Variants in HEATR9 observed in about 807,000 individuals in gnomAD.
HEATR9 encodes HEAT repeat containing 9.
HEATR9 carries 54 observed loss-of-function variants against 68.2 expected under a neutral mutation model. The ratio of observed to expected loss-of-function variants is 0.79; its 90% CI spans 0.64 to 0.99. The LOEUF (loss-of-function observed/expected upper bound fraction) is 0.99. Ranked by LOEUF, HEATR9 falls within the 50% of genes least tolerant of loss-of-function variation. HEATR9 has a pLI of 0.00. For synonymous variants in HEATR9, 241 were observed against 253.5 expected, an observed-to-expected ratio of 0.95 and a Z score of 0.47; for missense variants, 662 against 679.7, an observed-to-expected ratio of 0.97 and a Z score of 0.29.
chr17:35,863,395 A>G (rs2088071549), intron 7 of HEATR9, 107 bp downstream of exon 7: 4 of 1,267,540 alleles, frequency 3.2e-6, no homozygotes, highest in Non-Finnish European at 4.6e-6. Flanking sequence ...AGGCCTTGCC[A>G]AATGGTAGGT....
intron 8 of HEATR9, chr17:35,861,122 T>G: frequency 8.2e-7 from 1 of 1,213,810 alleles, no homozygotes. Context: ...TGTTGTACCA[T>G]TTTCTCTTCC....
intron 8 of HEATR9, chr17:35,861,499 C>T (rs1347610606): frequency 1.5e-5 from 17 of 1,167,700 alleles, no homozygotes; most frequent in African/African-American, 7.5e-5. Context: ...GCAGTCGTTG[C>T]GGACAAACAT....
intron 1 of HEATR9, among the ~76,000 whole-genome samples, chr17:35,867,199 G>A (rs1436499424): frequency 6.6e-6 from 1 of 152,150 alleles, no homozygotes; most frequent in Non-Finnish European, 1.5e-5. Flanking sequence ...GGCGGAGCCT[G>A]CTGAGATCGC....
At chr17:35,856,899 C>G in intron 11 of HEATR9, 94 bp from the exon 12 acceptor site, 1 of 1,165,590 alleles carries the variant, frequency 8.6e-7, no homozygotes, top group Non-Finnish European at 1.2e-6. Flanking sequence ...TTCCTTTGTG[C>G]TATGTAGAGT....
At chr17:35,861,698 T>G (rs2087998007) in intron 8 of HEATR9, 2 of 521,514 alleles carry the variant, frequency 3.8e-6, no homozygotes, top group Admixed American at 6.5e-5. Flanking sequence ...TCTTTATGTC[T>G]TTGCTCAAAT....
intron 8 of HEATR9, chr17:35,861,454 C>A: frequency 6.3e-7 from 1 of 1,578,000 alleles, no homozygotes; most frequent in Non-Finnish European, 8.7e-7. Flanking sequence ...TTTAAAGTTT[C>A]TATGACACTT....
chr17:35,862,618 C>T (rs1473648607), intron 8 of HEATR9, among the ~76,000 whole-genome samples: 2 of 152,184 alleles, frequency 1.3e-5, no homozygotes, highest in South Asian at 2.1e-4. Context: ...TTTACAATGA[C>T]GTCCCATGGA....
At chr17:35,861,979 C>A (rs1190486088) in intron 8 of HEATR9, among the ~76,000 whole-genome samples, 1 of 151,878 alleles carries the variant, frequency 6.6e-6, no homozygotes, top group African/African-American at 2.4e-5. Flanking sequence ...CCTCAGCCTC[C>A]CAAGTAGCTG....
At position 35,858,872 on chromosome 17, in the gene HEATR9, C is replaced by T. The variant is rs1412948165; in HGVS notation, c.939+16G>A. 1 of 1,611,216 alleles carries T rather than the reference C, an allele frequency of 6.2e-7. No homozygotes were observed. The highest frequency in any genetic ancestry group is 1.1e-5 in the South Asian group (1 of 90,874). On this transcript the variant is annotated intron_variant, in intron 9 of 14. Transcript: ENST00000604834. ...CTTCTGTTTCCCCAGGGATCCCAGC[C>T]TCCTGCCCCTCACACCTTCATCCGC...
intron 9 of HEATR9, 122 bp from the exon 10 acceptor site, chr17:35,858,647 C>A: frequency 2.2e-6 from 2 of 919,308 alleles, no homozygotes; most frequent in South Asian, 1.6e-5. Flanking sequence ...TCTGCCTCTT[C>A]GCCTCTTGAC....
intron 12 of HEATR9, 58 bp downstream of exon 12, chr17:35,856,674 C>A: frequency 6.8e-7 from 1 of 1,460,770 alleles, no homozygotes; most frequent in Non-Finnish European, 9.4e-7. Flanking sequence ...CTCTCACTGA[C>A]CCTCTGCCCC....
At position 35,856,798 on chromosome 17, in the gene HEATR9, CTCACAGCCTGCA is replaced by C. The variant is rs752860765; in HGVS notation, c.1153-5_1159del. 4.4e-6 allele frequency: 7 copies of C among 1,603,408 alleles called. No individual in the cohort carries two copies. Among genetic ancestry groups the C allele is most frequent in the South Asian group, 3.4e-5 (3 of 88,778 alleles). ...TTCCACAGTTTGAGCCACAGCCTGC[CTCACAGCCTGCA>C]GAGGGATCAAAATGAGTCAACAGAG... is the stretch of plus-strand genomic sequence containing the variant. On this transcript the variant is annotated splice_acceptor_variant and splice_polypyrimidine_tract_variant and coding_sequence_variant and intron_variant, in exon 12 of 15. Transcript: ENST00000604834. LOFTEE classifies it high-confidence loss of function.
intron 8 of HEATR9, among the ~76,000 whole-genome samples, 171 bp from the exon 9 acceptor site, chr17:35,859,241 T>C (rs989397628): frequency 6.6e-6 from 1 of 152,166 alleles, no homozygotes; most frequent in African/African-American, 2.4e-5. Flanking sequence ...AGATCTCATT[T>C]CTCTATAACT....
chr17:35,857,898 G>C (rs142745735), intron 11 of HEATR9, among the ~76,000 whole-genome samples: 1 of 152,176 alleles, frequency 6.6e-6, no homozygotes, highest in African/African-American at 2.4e-5. Flanking sequence ...CGTTGGGATC[G>C]GTCTTGAAGG....
In HEATR9 at chr17:35,864,781, G is replaced by C. The variant is rs773926237; in HGVS notation, c.430C>G (p.Pro144Ala). The change falls in exon 4 of 15, where the codon CCC becomes GCC. Residue 144 changes from proline (P) to alanine (A), a missense_variant. Pro to Ala is a conservative substitution (Grantham distance 27, BLOSUM62 -1). Coordinates refer to ENST00000604834, the MANE Select transcript of HEATR9 (RefSeq NM_152781.4). ...ACCCTTAATCTTTGCCACTTCAGGG[G>C]GTCCTGGGTAGGCTCTAAGGGCCTG... ...RSRPLEPTQD[P>A]LKWQRLRELT... is the part of the protein sequence containing the mutation. 9 of 1,614,146 alleles carry C rather than the reference G, an allele frequency of 5.6e-6. No homozygotes were observed. Among genetic ancestry groups the C allele is most frequent in the Non-Finnish European group, 5.9e-6 (7 of 1,180,042 alleles).
At position 35,855,236 on chromosome 17, in the gene HEATR9, C is replaced by A; in HGVS notation, c.1540G>T (p.Ala514Ser). 1 of 1,614,184 alleles carries A rather than the reference C, an allele frequency of 6.2e-7. No individual in the cohort carries two copies. Among genetic ancestry groups the A allele is most frequent in the Non-Finnish European group, 8.5e-7 (1 of 1,180,028 alleles). Residue 514 changes from alanine to serine, a missense_variant, in exon 15 of 15, where the codon GCA becomes TCA. Physicochemically the swap from Ala to Ser is moderately conservative, Grantham distance 99 (BLOSUM62 1). Transcript: ENST00000604834. ...GCAATAAACAAGGGGTTCAGCTTTG[C>A]AAGTCGAAAGTCTTGAATAGTTAAC... ...EELTIQDFRL[A>S]KLNPLFIAKS...
At chr17:35,862,574 A>G (rs181434994) in intron 8 of HEATR9, among the ~76,000 whole-genome samples, 22 of 152,346 alleles carry the variant, frequency 1.4e-4, no homozygotes, top group Middle Eastern at 3.4e-3. Flanking sequence ...AGTCCTCTCA[A>G]CAGTACTATC....
At chr17:35,857,489 G>C (rs1325938762) in intron 11 of HEATR9, among the ~76,000 whole-genome samples, 2 of 152,220 alleles carry the variant, frequency 1.3e-5, no homozygotes, top group Admixed American at 1.3e-4. Context: ...GCCGGGCGCA[G>C]TGGCTCACGC....
chr17:35,862,166 G>A (rs988970795), intron 8 of HEATR9, among the ~76,000 whole-genome samples: 6 of 151,942 alleles, frequency 3.9e-5, no homozygotes, highest in Non-Finnish European at 8.8e-5. Context: ...GAGCCACCAC[G>A]CCTGGCCTAA....
Sources: gnomAD v4.1 joint callset for allele counts (sites outside exome capture counted in the v4.1 genomes callset) on GRCh38, gnomAD v4.1.1 for gene constraint, MANE v1.5 for transcripts, NCBI Gene and HGNC (gene_info 2026-07-23, HGNC 2026-07-21) for gene names.